The following MED12L variants were observed in gnomAD, a reference collection of about 807,000 sequenced individuals.
MED12L encodes mediator of RNA polymerase II transcription subunit 12-like protein.
MED12L carries 60 observed loss-of-function variants against 281.3 expected under a neutral mutation model. The observed-to-expected ratio is 0.21, with a 90% CI of 0.17 to 0.26. The LOEUF is 0.26. MED12L is among the 10% of genes least tolerant of loss of function. The pLI is 1.00. For synonymous variants in MED12L, 974 were observed against 987.2 expected (o/e 0.99, Z 0.25); for missense variants, 2,146 against 2,680.9 (o/e 0.80, Z 4.41).
intron 39 of MED12L, among the ~76,000 whole-genome samples, chr3:151,399,885 G>A (rs182008734): frequency 6.3e-4 from 95 of 151,458 alleles, no homozygotes; most frequent in African/African-American, 2.0e-3. Context: ...GGAGTGCAGC[G>A]GCCTAATCTC....
intron 5 of MED12L, among the ~76,000 whole-genome samples, chr3:151,135,181 G>A (rs1348117850): frequency 3.3e-5 from 5 of 151,894 alleles, no homozygotes; most frequent in Non-Finnish European, 7.4e-5. Flanking sequence ...ACCTGCCATC[G>A]TGCTCCTCTA....
At chr3:151,328,309 G>GT (rs762969666) in intron 16 of MED12L, 5 of 1,613,684 alleles carry the variant, frequency 3.1e-6, no homozygotes, top group Middle Eastern at 1.7e-4. Flanking sequence ...GCTTTTTGTT[G>GT]TTTTTTCTGT....
intron 16 of MED12L, among the ~76,000 whole-genome samples, chr3:151,332,980 A>G (rs1750524265): frequency 6.6e-6 from 1 of 152,146 alleles, no homozygotes; most frequent in African/African-American, 2.4e-5. Context: ...CCCACTAACA[A>G]GTGACAACAT....
At chr3:151,261,685 G>GTGTTTTTTTT (rs1738915875) in intron 16 of MED12L, among the ~76,000 whole-genome samples, 1 of 148,640 alleles carries the variant, frequency 6.7e-6, no homozygotes, top group African/African-American at 2.5e-5. Context: ...GTGGTACGTG[G>GTGTTTTTTTT]TGTTTTGTTT....
intron 16 of MED12L, chr3:151,338,170 C>T: frequency 6.2e-7 from 1 of 1,614,046 alleles, no homozygotes; most frequent in South Asian, 1.1e-5. Context: ...ACTTTACCTA[C>T]ACCCCTCGTT....
chr3:151,379,941 T>A (rs1157537265), intron 31 of MED12L, among the ~76,000 whole-genome samples, 172 bp from the exon 32 acceptor site: 1 of 152,182 alleles, frequency 6.6e-6, no homozygotes, highest in African/African-American at 2.4e-5. Flanking sequence ...TTAGAAGCAT[T>A]ACAGTGGCTT....
intron 16 of MED12L, chr3:151,336,527 T>G (rs1751015641): frequency 2.2e-6 from 1 of 456,432 alleles, no homozygotes; most frequent in Admixed American, 2.4e-5. Flanking sequence ...CTGTTCCTCC[T>G]TCTGTTTGAG....
chr3:151,333,559 G>T (rs1240735130), intron 16 of MED12L, among the ~76,000 whole-genome samples: 1 of 152,134 alleles, frequency 6.6e-6, no homozygotes, highest in Non-Finnish European at 1.5e-5. Flanking sequence ...CGACTGATGG[G>T]CATGTAGTTA....
chr3:151,318,559 G>T (rs1748589991), intron 16 of MED12L, among the ~76,000 whole-genome samples: 1 of 152,082 alleles, frequency 6.6e-6, no homozygotes, highest in African/African-American at 2.4e-5. Flanking sequence ...AAAGGCATCA[G>T]TCAAAGGGAG....
chr3:151,211,658 C>A (rs1387285641), intron 16 of MED12L, among the ~76,000 whole-genome samples: 1 of 152,052 alleles, frequency 6.6e-6, no homozygotes, highest in Non-Finnish European at 1.5e-5. Context: ...ACTTTTGTTT[C>A]TTTTTTTGAC....
intron 16 of MED12L, among the ~76,000 whole-genome samples, chr3:151,195,723 G>A (rs1250776925): frequency 2.0e-5 from 3 of 152,040 alleles, no homozygotes; most frequent in Admixed American, 6.5e-5. Flanking sequence ...ATTAACGTCC[G>A]GAGTTTATTT....
At chr3:151,191,862 C>T (rs1004063545) in intron 14 of MED12L, among the ~76,000 whole-genome samples, 2 of 151,770 alleles carry the variant, frequency 1.3e-5, no homozygotes, top group African/African-American at 4.8e-5. Context: ...GCCGAGATTG[C>T]GCCATTGCAC....
At chr3:151,359,823 T>C (rs371167909) in intron 20 of MED12L, among the ~76,000 whole-genome samples, 9 of 152,252 alleles carry the variant, frequency 5.9e-5, no homozygotes, top group African/African-American at 2.2e-4. Context: ...CACAAGTGTT[T>C]ACAGCTGTGG....
At chr3:151,238,884 C>A (rs1733477013) in intron 16 of MED12L, among the ~76,000 whole-genome samples, 1 of 152,144 alleles carries the variant, frequency 6.6e-6, no homozygotes, top group Admixed American at 6.5e-5. Context: ...GAATTAGATG[C>A]ATTTTTCATG....
intron 2 of MED12L, among the ~76,000 whole-genome samples, chr3:151,115,930 C>T (rs1030322894): frequency 5.9e-5 from 9 of 151,526 alleles, no homozygotes; most frequent in South Asian, 2.1e-4. Flanking sequence ...TCGTGGCAGG[C>T]GACTGTATGT....
intron 16 of MED12L, among the ~76,000 whole-genome samples, chr3:151,237,336 CTTTTTTTTTTTTTCTT>C (rs1435968104): frequency 5.2e-5 from 5 of 96,496 alleles, no homozygotes; most frequent in African/African-American, 1.9e-4. Context: ...CCACGCCTGG[CTTTTTTTTTTTTTCTT>C]TTTTTTTTTT....
At chr3:151,216,259 A>G (rs1367664392) in intron 16 of MED12L, among the ~76,000 whole-genome samples, 2 of 152,222 alleles carry the variant, frequency 1.3e-5, no homozygotes, top group Non-Finnish European at 2.9e-5. Flanking sequence ...CTTAAGATTT[A>G]TTCAGGGATC....
chr3:151,163,814 G>C (rs559419344), intron 8 of MED12L, 79 bp from the exon 9 acceptor site: 1 of 1,370,582 alleles, frequency 7.3e-7, no homozygotes, highest in African/African-American at 1.4e-5. Flanking sequence ...GTGATGACAG[G>C]GTGTCGTTTT....
chr3:151,173,184 T>C (rs563481507), intron 11 of MED12L, among the ~76,000 whole-genome samples: 4 of 152,300 alleles, frequency 2.6e-5, no homozygotes, highest in African/African-American at 9.6e-5. Context: ...TGCACGTTAT[T>C]CTTTTTCTTA....
Sources: allele counts gnomAD v4.1 joint callset (sites outside exome capture counted in the v4.1 genomes callset), GRCh38; gene constraint gnomAD v4.1.1; transcripts MANE v1.5; gene names NCBI Gene and HGNC (gene_info 2026-07-23, HGNC 2026-07-21).